The following DNAH14 variants were observed in gnomAD, a reference collection of about 807,000 sequenced individuals.
The protein encoded by DNAH14 is dynein axonemal heavy chain 14, also known as axonemal beta dynein heavy chain 14.
Under a neutral mutation model 520.9 loss-of-function variants are expected in DNAH14, and 478 were observed. That is an observed-to-expected ratio of 0.92 (90% CI 0.85 to 0.99). DNAH14 has a LOEUF of 0.99. DNAH14 is among the 50% of genes least tolerant of loss of function. The pLI is 0.00. For missense variants in DNAH14, 4,831 were observed against 5,234.5 expected, an observed-to-expected ratio of 0.92 and a Z score of 2.38; for synonymous variants, 1,581 against 1,757.2, an observed-to-expected ratio of 0.90 and a Z score of 2.51.
intron 23 of DNAH14, among the ~76,000 whole-genome samples, chr1:225,104,352 T>TTGTTG (rs2075818330): frequency 1.3e-5 from 2 of 152,208 alleles, no homozygotes; most frequent in African/African-American, 2.4e-5. Flanking sequence ...TTCTCTTTTT[T>TTGTTG]TGTTGTGTCT....
At chr1:225,119,792 A>T (rs1412225267) in intron 26 of DNAH14, among the ~76,000 whole-genome samples, 5 of 152,226 alleles carry the variant, frequency 3.3e-5, no homozygotes. Context: ...TAACTTGACT[A>T]GAACTGTTAT....
intron 41 of DNAH14, among the ~76,000 whole-genome samples, chr1:225,212,446 A>C (rs1454963510): frequency 6.6e-6 from 1 of 151,998 alleles, no homozygotes; most frequent in Non-Finnish European, 1.5e-5. Context: ...GGGTCAAATG[A>C]TATTTCTAGT....
intron 1 of DNAH14, among the ~76,000 whole-genome samples, chr1:224,950,670 C>T (rs1182517911): frequency 6.6e-6 from 1 of 152,228 alleles, no homozygotes; most frequent in Non-Finnish European, 1.5e-5. Flanking sequence ...CATATACTCT[C>T]TTGAAGGAGC....
At position 225,265,256 on chromosome 1, in the gene DNAH14, G is replaced by C; in HGVS notation, c.7297G>C (p.Val2433Leu). 6.5e-7 allele frequency: 1 copy of C among 1,540,350 alleles called. No homozygotes were observed. Among genetic ancestry groups the C allele is most frequent in the Non-Finnish European group, 8.7e-7 (1 of 1,143,176 alleles). The change falls in exon 48 of 86, where the codon GTC becomes CTC. Residue 2433 changes from valine to leucine, a missense_variant. Physicochemically the swap from Val to Leu is conservative, Grantham distance 32 (BLOSUM62 1). Coordinates refer to ENST00000682510, the MANE Select transcript of DNAH14 (RefSeq NM_001367479.1). ...AAATAATGATCATAAAGGAGTTGTA[G>C]TCTCTACAATAAATTTTAGCACCAA... ...LKNNDHKGVV[V>L]STINFSTNVT...
At position 225,027,622 on chromosome 1, in the gene DNAH14, A is replaced by G. The variant is rs373464760; in HGVS notation, c.1358+3757A>G. On this transcript the variant is annotated intron_variant, in intron 11 of 85. Coordinates refer to ENST00000682510, the MANE Select transcript of DNAH14 (RefSeq NM_001367479.1). ...GTTTTACATGGCTGGATCAGGAGGA[A>G]GAGATGTAGGGGGAGGTGCTATACA... Among the ~76,000 whole-genome samples the G allele has an allele frequency of 5.3e-5, 8 of 152,228 alleles. 1 individual carries two copies. In the East Asian group the frequency reaches 1.5e-3, roughly 29 times the overall value.
intron 17 of DNAH14, among the ~76,000 whole-genome samples, chr1:225,061,508 A>T (rs1375308398): frequency 1.3e-5 from 2 of 152,212 alleles, no homozygotes; most frequent in East Asian, 3.9e-4. Context: ...CTCGGTGCGC[A>T]GCACCCACTG....
intron 15 of DNAH14, among the ~76,000 whole-genome samples, 189 bp from the exon 16 acceptor site, chr1:225,050,021 T>G (rs1002149905): frequency 6.6e-6 from 1 of 152,234 alleles, no homozygotes; most frequent in African/African-American, 2.4e-5. Flanking sequence ...TGAGTAGCTC[T>G]TTGTTTCTAT....
chr1:225,290,987 A>G (rs2093875336), intron 55 of DNAH14, among the ~76,000 whole-genome samples: 2 of 151,836 alleles, frequency 1.3e-5, no homozygotes, highest in Non-Finnish European at 2.9e-5. Context: ...TCTAGCTGTA[A>G]TTTTGTATCC....
intron 4 of DNAH14, among the ~76,000 whole-genome samples, chr1:224,960,620 T>G (rs2060785315): frequency 6.6e-6 from 1 of 152,154 alleles, no homozygotes; most frequent in Admixed American, 6.6e-5. Flanking sequence ...TGATTTCATT[T>G]TATTTAACAA....
intron 43 of DNAH14, among the ~76,000 whole-genome samples, chr1:225,241,146 G>A (rs1275025300): frequency 2.0e-5 from 3 of 151,804 alleles, no homozygotes; most frequent in Admixed American, 6.6e-5. Flanking sequence ...AAGTTCTGTA[G>A]GATCATAATA....
At chr1:225,068,146 A>C (rs906586128) in intron 17 of DNAH14, among the ~76,000 whole-genome samples, 3 of 152,176 alleles carry the variant, frequency 2.0e-5, no homozygotes, top group Non-Finnish European at 2.9e-5. Context: ...GAAGGGGTTC[A>C]ATTTCAATCT....
rs1170196125 is a variant in DNAH14, at chr1:225,335,713, A to G, written c.10081-1553A>G. Among the ~76,000 whole-genome samples the G allele has an allele frequency of 1.6e-4, 14 of 86,686 alleles. 1 individual carries two copies. The highest frequency in any genetic ancestry group is 4.0e-4 in the South Asian group (1 of 2,528). The allele number at this position is 86,686 out of a possible 152,430, so 56.9% of individuals were successfully genotyped here. On this transcript the variant is annotated intron_variant, in intron 66 of 85. Coordinates refer to ENST00000682510, the MANE Select transcript of DNAH14 (RefSeq NM_001367479.1). ...TATATACATATGTGCATATATGTAT[A>G]TACGCATATATACATATGTGCATAT...
At chr1:225,361,236 A>G (rs1029295274) in intron 75 of DNAH14, among the ~76,000 whole-genome samples, 3 of 152,242 alleles carry the variant, frequency 2.0e-5, no homozygotes, top group African/African-American at 7.2e-5. Flanking sequence ...TGTGATTCCA[A>G]ACAGCAGAGC....
intron 38 of DNAH14, among the ~76,000 whole-genome samples, chr1:225,197,495 T>G (rs2086304667): frequency 6.6e-6 from 1 of 152,142 alleles, no homozygotes; most frequent in Non-Finnish European, 1.5e-5. Context: ...AATTTGTTAT[T>G]TTTGCTTAGT....
chr1:225,119,732 G>A (rs750815189), intron 26 of DNAH14, among the ~76,000 whole-genome samples: 23 of 152,100 alleles, frequency 1.5e-4, no homozygotes, highest in Non-Finnish European at 3.2e-4. Context: ...GTCTATCATT[G>A]CATCTGTTTA....
chr1:225,348,423 C>T (rs1263011979), intron 71 of DNAH14, among the ~76,000 whole-genome samples: 1 of 152,050 alleles, frequency 6.6e-6, no homozygotes, highest in African/African-American at 2.4e-5. Context: ...CACCAAGACA[C>T]ATTATAATCA....
At chr1:225,132,430 T>C (rs1362559123) in intron 27 of DNAH14, among the ~76,000 whole-genome samples, 1 of 152,104 alleles carries the variant, frequency 6.6e-6, no homozygotes, top group Admixed American at 6.6e-5. Flanking sequence ...CTGTGTGTTC[T>C]CATCATTCAG....
chr1:225,183,919 A>G (rs903643404), intron 36 of DNAH14, among the ~76,000 whole-genome samples: 4 of 152,240 alleles, frequency 2.6e-5, no homozygotes, highest in Non-Finnish European at 5.9e-5. Flanking sequence ...TCCAAAATTG[A>G]GTCAGTAACA....
chr1:225,316,957 G>T (rs1407937894), intron 60 of DNAH14, among the ~76,000 whole-genome samples: 1 of 152,124 alleles, frequency 6.6e-6, no homozygotes, highest in East Asian at 1.9e-4. Flanking sequence ...ATTTTTGATA[G>T]TTTAGAAGTT....
Sources: allele counts gnomAD v4.1 joint callset (sites outside exome capture counted in the v4.1 genomes callset), GRCh38; gene constraint gnomAD v4.1.1; transcripts MANE v1.5; gene names NCBI Gene and HGNC (gene_info 2026-07-23, HGNC 2026-07-21).